Variants in CAMTA1 observed in about 807,000 individuals in gnomAD.
The protein encoded by CAMTA1 is calmodulin binding transcription activator 1.
CAMTA1 carries 27 observed loss-of-function variants against 170.9 expected under a neutral mutation model. The ratio of observed to expected loss-of-function variants is 0.16; its 90% CI spans 0.12 to 0.22. The LOEUF is 0.22. CAMTA1 is among the 10% of genes least tolerant of loss of function. The pLI, the probability that CAMTA1 is intolerant of heterozygous loss-of-function variation, is 1.00. For synonymous variants in CAMTA1, 833 were observed against 891.5 expected, an observed-to-expected ratio of 0.93 and a Z score of 1.17; for missense variants, 1,619 against 2,217.2, an observed-to-expected ratio of 0.73 and a Z score of 5.42.
chr1:6,915,113 C>G (rs1295461880), intron 3 of CAMTA1, among the ~76,000 whole-genome samples: 1 of 152,100 alleles, frequency 6.6e-6, no homozygotes, highest in Non-Finnish European at 1.5e-5. Flanking sequence ...CAATTCATTA[C>G]TTTTTGAAAA....
At chr1:7,670,790 A>C in intron 9 of CAMTA1, 121 bp from the exon 10 acceptor site, 2 of 1,102,320 alleles carry the variant, frequency 1.8e-6, no homozygotes, top group Non-Finnish European at 2.6e-6. Flanking sequence ...GGGCCTGGGA[A>C]TCTGCATGGG....
chr1:6,797,595 C>T (rs1399783176), intron 1 of CAMTA1, among the ~76,000 whole-genome samples: 1 of 151,956 alleles, frequency 6.6e-6, no homozygotes, highest in East Asian at 1.9e-4. Flanking sequence ...CCATGTTGGC[C>T]AGGCTGGTCT....
At chr1:7,544,337 G>A (rs1283642210) in intron 6 of CAMTA1, among the ~76,000 whole-genome samples, 2 of 152,212 alleles carry the variant, frequency 1.3e-5, no homozygotes, top group Non-Finnish European at 1.5e-5. Context: ...CTCCCGCCAG[G>A]TCCCTCCCAC....
Position 7,493,647 on chromosome 1 carries a change from G to T in CAMTA1, c.510+25746G>T, listed in dbSNP as rs199719797. Among the ~76,000 whole-genome samples, 69 of 18,118 alleles carry T rather than the reference G, an allele frequency of 3.8e-3. No homozygotes were observed. In the East Asian group the frequency reaches 0.066, roughly 17 times the overall value. 11.9% of individuals were successfully genotyped at this position (18,118 alleles called of 152,430 possible). A position where few individuals can be genotyped will look rare whatever the true frequency, so the allele number is the denominator to read the frequency against. Reference sequence around the variant, plus strand: ...AGCATCCATCCCCCAGGGAACTGGGGGGGGGGGGGGGTCAGCGGAAGAGTT... The same window carrying T: ...AGCATCCATCCCCCAGGGAACTGGGTGGGGGGGGGGGTCAGCGGAAGAGTT... On this transcript the variant is annotated intron_variant, in intron 6 of 22. Coordinates refer to ENST00000303635, the MANE Select transcript of CAMTA1 (RefSeq NM_015215.4).
chr1:7,291,220 G>A (rs1316782807), intron 5 of CAMTA1, among the ~76,000 whole-genome samples: 1 of 152,088 alleles, frequency 6.6e-6, no homozygotes, highest in Non-Finnish European at 1.5e-5. Flanking sequence ...GGACGAAGAC[G>A]GGCAGAGACA....
chr1:7,284,696 G>A lies in CAMTA1; in HGVS notation c.438+35070G>A, dbSNP rs535885964. Among the ~76,000 whole-genome samples the A allele has an allele frequency of 5.3e-5, 8 of 152,284 alleles. 1 individual carries two copies. The South Asian group carries it at 1.7e-3, about 32-fold the overall frequency. ...TCCTTCCCTGTGCTTAACTGGATCT[G>A]CAGTTCTTGTGCTCGCCACATGCCC... On this transcript the variant is annotated intron_variant, in intron 5 of 22. Coordinates refer to ENST00000303635, the MANE Select transcript of CAMTA1 (RefSeq NM_015215.4).
chr1:7,664,419 C>A lies in CAMTA1; in HGVS notation c.1872C>A (p.Pro624=). 1 of 1,613,508 alleles carries A rather than the reference C, an allele frequency of 6.2e-7. No individual in the cohort carries two copies. Among genetic ancestry groups the A allele is most frequent in the South Asian group, 1.1e-5 (1 of 91,086 alleles). ...PSFFLQDASK[P]LPVEQNTHSS... ...TCTTCCTGCAGGACGCCAGCAAACC[C>A]CTCCCCGTCGAGCAGAACACCCACA... Residue 624 remains proline, a synonymous_variant, in exon 9 of 23, where the codon CCC becomes CCA. Transcript: ENST00000303635.
rs146269768 is a variant in CAMTA1, at chr1:7,019,094, C to T, written c.235-72210C>T. 8.5e-4 allele frequency among the ~76,000 whole-genome samples: 129 copies of T among 152,246 alleles called. 2 individuals carry two copies. In the East Asian group the frequency reaches 0.025, roughly 30 times the overall value. On this transcript the variant is annotated intron_variant, in intron 3 of 22. Coordinates refer to ENST00000303635, the MANE Select transcript of CAMTA1 (RefSeq NM_015215.4). ...GCTACCATGACAAGGTGGCCCTGGC[C>T]CGGGAGTGGAGCGGTGCCTGGGTTC...
chr1:6,992,844 G>A (rs12134638), intron 3 of CAMTA1, among the ~76,000 whole-genome samples: 18,978 of 152,202 alleles, frequency 0.12, 1,290 homozygotes, highest in East Asian at 0.2. Flanking sequence ...TTACAATTTG[G>A]CATGATATTT....
At chr1:6,962,434 C>T (rs1346652350) in intron 3 of CAMTA1, among the ~76,000 whole-genome samples, 1 of 149,602 alleles carries the variant, frequency 6.7e-6, no homozygotes, top group East Asian at 2.0e-4. Flanking sequence ...CGGGCCCACC[C>T]TTTCTATAGC....
chr1:7,398,217 A>C (rs1296315779), intron 5 of CAMTA1, among the ~76,000 whole-genome samples: 49 of 120,316 alleles, frequency 4.1e-4, no homozygotes, highest in African/African-American at 9.8e-4. Flanking sequence ...ATATATATAT[A>C]TATATATATA....
At chr1:7,126,434 T>G (rs1378931300) in intron 4 of CAMTA1, among the ~76,000 whole-genome samples, 1 of 152,224 alleles carries the variant, frequency 6.6e-6, no homozygotes, top group Non-Finnish European at 1.5e-5. Flanking sequence ...CTCAAAAGAT[T>G]AAATAATGGA....
At chr1:7,160,457 A>G (rs1647145531) in intron 4 of CAMTA1, among the ~76,000 whole-genome samples, 1 of 151,496 alleles carries the variant, frequency 6.6e-6, no homozygotes, top group Admixed American at 6.6e-5. Flanking sequence ...CATTGATTGG[A>G]CACTCTGAGC....
chr1:6,947,252 T>A, intron 3 of CAMTA1, among the ~76,000 whole-genome samples: 1 of 152,218 alleles, frequency 6.6e-6, no homozygotes, highest in East Asian at 1.9e-4. Context: ...CTATGAGTCT[T>A]CCAACTTCTT....
rs1186492873 is a variant in CAMTA1, at chr1:6,931,971, G to T, written c.234+106761G>T. On this transcript the variant is annotated intron_variant, in intron 3 of 22. Transcript: ENST00000303635. Reference sequence around the variant, plus strand: ...GGGCTTATAACACCTGTACGCACTGGTGCCTCCTTGTGTGACCTCAGGGAA... The same window carrying T: ...GGGCTTATAACACCTGTACGCACTGTTGCCTCCTTGTGTGACCTCAGGGAA... Among the ~76,000 whole-genome samples, 4 of 152,258 alleles carry T rather than the reference G, an allele frequency of 2.6e-5. No individual in the cohort carries two copies. In the East Asian group the frequency reaches 7.7e-4, roughly 29 times the overall value.
chr1:7,330,008 G>A (rs1189051248), intron 5 of CAMTA1, among the ~76,000 whole-genome samples: 1 of 152,184 alleles, frequency 6.6e-6, no homozygotes, highest in Non-Finnish European at 1.5e-5. Context: ...TGTTCTTGGG[G>A]CACCTCAGCC....
At position 7,561,881 on chromosome 1, in the gene CAMTA1, C is replaced by T. The variant is rs1443422621; in HGVS notation, c.511-78519C>T. Among the ~76,000 whole-genome samples, 3 of 152,180 alleles carry T rather than the reference C, an allele frequency of 2.0e-5. No homozygotes were observed. The highest frequency in any genetic ancestry group is 1.9e-4 in the East Asian group (1 of 5,184). On this transcript the variant is annotated intron_variant, in intron 6 of 22. Transcript: ENST00000303635. This position sits in a 1 kb window ranked among gnomAD's most constrained non-coding sequence, Gnocchi z 5.3. The stretch of plus-strand genomic sequence containing the variant: ...CCGGCCTGGAGGAGGAAGCCATCCT[C>T]GAGGCAGCCTTCACCAGCATGTGTC...
intron 3 of CAMTA1, among the ~76,000 whole-genome samples, chr1:6,902,077 A>C (rs28773786): frequency 2.3e-4 from 16 of 70,908 alleles, no homozygotes; most frequent in South Asian, 5.9e-4. Context: ...ACACACAAAA[A>C]AAAAAATAAA....
chr1:7,498,437 A>G (rs1337555408), intron 6 of CAMTA1, among the ~76,000 whole-genome samples: 4 of 146,932 alleles, frequency 2.7e-5, no homozygotes, highest in African/African-American at 7.5e-5. Context: ...GTGCGTGTGT[A>G]TGAGTGTGTG....
Sources: gnomAD v4.1 joint callset for allele counts (sites outside exome capture counted in the v4.1 genomes callset) on GRCh38, gnomAD v4.1.1 for gene constraint, Gnocchi (gnomAD v3.1) non-coding constraint, MANE v1.5 for transcripts, NCBI Gene and HGNC (gene_info 2026-07-23, HGNC 2026-07-21) for gene names.